Variants in CNR2 observed in about 807,000 individuals in gnomAD.
CNR2 encodes the protein cannabinoid receptor 2 (macrophage).
For synonymous variants in CNR2, 172 were observed against 182.2 expected, an observed-to-expected ratio of 0.94 and a Z score of 0.45; for missense variants, 379 against 439.9, an observed-to-expected ratio of 0.86 and a Z score of 1.24.
rs142971648 is a variant in CNR2 at position 23,880,185 on chromosome 1, C to CTTTTTTTTTTT, written c.-45-4524_-45-4523insAAAAAAAAAAA. 5.3e-3 allele frequency among the ~76,000 whole-genome samples: 678 copies of CTTTTTTTTTTT among 128,636 alleles called. 10 individuals are homozygous for CTTTTTTTTTTT. The highest frequency in any genetic ancestry group is 0.014 in the Middle Eastern group (3 of 218). The allele number at this position is 128,636 out of a possible 152,430, so 84.4% of individuals were successfully genotyped here. ...CCCTAACTCATCCCAACTTCCAACTCTTTTTTTTTTGAGACGGAGTCTCAC... is the reference window on the plus strand; with the variant it reads ...CCCTAACTCATCCCAACTTCCAACTCTTTTTTTTTTTTTTTTTTTTTGAGACGGAGTCTCAC... On this transcript the variant is annotated intron_variant, in intron 1 of 1. Transcript: ENST00000374472.
chr1:23,906,341 T>G (rs556439572), intron 1 of CNR2, among the ~76,000 whole-genome samples: 96 of 152,128 alleles, frequency 6.3e-4, no homozygotes, highest in Middle Eastern at 3.4e-3. Flanking sequence ...TCAGGACTGT[T>G]GTGAGGATTA....
At position 23,879,827 on chromosome 1, in the gene CNR2, T is replaced by C. The variant is rs182701250; in HGVS notation, c.-45-4165A>G. Among the ~76,000 whole-genome samples, 241 of 152,218 alleles carry C rather than the reference T, an allele frequency of 1.6e-3. 1 individual carries two copies. Among genetic ancestry groups the C allele is most frequent in the African/African-American group, 5.6e-3 (232 of 41,542 alleles). ...CTTTTAATCAGGCCCATTTCTAATC[T>C]AGTTTCAACATAGCAGTCAGGGTGA... On this transcript the variant is annotated intron_variant, in intron 1 of 1. Transcript: ENST00000374472.
intron 1 of CNR2, among the ~76,000 whole-genome samples, chr1:23,903,133 CA>C (rs1640432047): frequency 1.3e-5 from 2 of 152,072 alleles, no homozygotes; most frequent in African/African-American, 2.4e-5. Context: ...GTGCCCCTAC[CA>C]CCCCCGCCCC....
At chr1:23,890,428 G>C (rs1640169181) in intron 1 of CNR2, among the ~76,000 whole-genome samples, 1 of 151,956 alleles carries the variant, frequency 6.6e-6, no homozygotes, top group South Asian at 2.1e-4. Flanking sequence ...TGGAAAACTT[G>C]TTCAACCTGC....
At chr1:23,900,543 G>A (rs896483162) in intron 1 of CNR2, among the ~76,000 whole-genome samples, 41 of 113,092 alleles carry the variant, frequency 3.6e-4, no homozygotes, top group African/African-American at 1.3e-3. Context: ...TTTCACTCTT[G>A]TTGCCCAGGC....
At chr1:23,905,329 C>T (rs999232398) in intron 1 of CNR2, among the ~76,000 whole-genome samples, 5 of 151,204 alleles carry the variant, frequency 3.3e-5, no homozygotes, top group Admixed American at 1.3e-4. Flanking sequence ...TACAGGTACC[C>T]GACACCACGC....
At position 23,880,246 on chromosome 1, in the gene CNR2, C is replaced by T. The variant is rs901851967; in HGVS notation, c.-45-4584G>A. On this transcript the variant is annotated intron_variant, in intron 1 of 1. Coordinates refer to ENST00000374472, the MANE Select transcript of CNR2 (RefSeq NM_001841.3). ...AGGCTGGAGTGCAGTGGCACAATCT[C>T]GGCTCACTGCAACCTCCGCCTCCCA... 2.5e-4 allele frequency among the ~76,000 whole-genome samples: 35 copies of T among 139,012 alleles called. 1 individual carries two copies. The highest frequency in any genetic ancestry group is 8.7e-4 in the East Asian group (4 of 4,574). The allele number at this position is 139,012 out of a possible 152,430, so 91.2% of individuals were successfully genotyped here. A position where few individuals can be genotyped will look rare whatever the true frequency, so the allele number is the denominator to read the frequency against.
chr1:23,898,335 C>CCCA (rs1230917304), intron 1 of CNR2, among the ~76,000 whole-genome samples: 1 of 108,226 alleles, frequency 9.2e-6, no homozygotes, highest in Non-Finnish European at 1.8e-5. Flanking sequence ...CCGCGCCCGG[C>CCCA]TTTTTTTTTT....
intron 1 of CNR2, chr1:23,902,273 G>C (rs1640413529): frequency 7.0e-6 from 10 of 1,436,262 alleles, no homozygotes; most frequent in Non-Finnish European, 8.6e-6. Flanking sequence ...AGAAGCCTTG[G>C]GACCGCAGGG....
intron 1 of CNR2, among the ~76,000 whole-genome samples, chr1:23,897,067 G>A (rs924258444): frequency 2.6e-5 from 4 of 151,910 alleles, no homozygotes; most frequent in Admixed American, 6.6e-5. Flanking sequence ...TAGAGATGGG[G>A]TTTCACTATT....
Position 23,875,527 on chromosome 1 carries a change from G to T in CNR2, c.91C>A (p.Pro31Thr). Residue 31 changes from proline (P) to threonine (T), a missense_variant, in exon 2 of 2, where the codon CCC (proline) becomes ACC (threonine). Transcript: ENST00000374472. Reference sequence around the variant, plus strand: ...AACACAGCAACAGCTGTCTTCTGGGGACCACTCAGGATCATGTAATCCTTC... The same window carrying T: ...AACACAGCAACAGCTGTCTTCTGGGTACCACTCAGGATCATGTAATCCTTC... Reference protein sequence around the residue: ...PMKDYMILSGPQKTAVAVLCT... With the variant: ...PMKDYMILSGTQKTAVAVLCT... The T allele has an allele frequency of 6.2e-7, 1 of 1,614,052 alleles. No homozygotes were observed. The highest frequency in any genetic ancestry group is 8.5e-7 in the Non-Finnish European group (1 of 1,180,014).
Position 23,874,981 on chromosome 1 carries a change from G to T in CNR2, c.637C>A (p.Leu213Ile), listed in dbSNP as rs1244259465. Residue 213 changes from leucine (L) to isoleucine (I), a missense_variant, in exon 2 of 2, where the codon CTC becomes ATC. By Grantham distance (5) the Leu-to-Ile change is conservative. Transcript: ENST00000374472. ...SGIIYTYGHVLWKAHQHVASL... is the reference protein window; with the variant it reads ...SGIIYTYGHVIWKAHQHVASL... ...GCCACATGCTGATGGGCCTTCCAGA[G>T]AACATGCCCATAGGTGTAGATGATT... 2 of 1,610,032 alleles carry T rather than the reference G, an allele frequency of 1.2e-6. No homozygotes were observed. The highest frequency in any genetic ancestry group is 1.7e-6 in the Non-Finnish European group (2 of 1,177,902).
Position 23,870,950 on chromosome 1 carries a change from C to A in CNR2, c.*3585G>T, listed in dbSNP as rs1031238183. ...GGTGGATCACTTGAAGTCAGGAGTT[C>A]AAGACCAGCCTGGCCAATATGGTGA... On this transcript the variant is annotated 3_prime_UTR_variant, in exon 2 of 2. Transcript: ENST00000374472. The A allele has an allele frequency of 4.6e-5, 7 of 152,028 alleles. No homozygotes were observed. Among genetic ancestry groups the A allele is most frequent in the African/African-American group, 1.7e-4 (7 of 41,352 alleles). The allele number at this position is 152,028 out of a possible 1,614,324, so 9.4% of individuals were successfully genotyped here.
chr1:23,889,228 G>A (rs1426589237), intron 1 of CNR2, among the ~76,000 whole-genome samples: 3 of 152,102 alleles, frequency 2.0e-5, no homozygotes, highest in Non-Finnish European at 4.4e-5. Flanking sequence ...AAGTGAAAGC[G>A]TGAAGTGAAA....
chr1:23,882,651 C>CA (rs34245051), intron 1 of CNR2, among the ~76,000 whole-genome samples: 31,983 of 112,660 alleles, frequency 0.28, 5,559 homozygotes, highest in East Asian at 0.75. Context: ...ACTAAAAATA[C>CA]AAAAAAAAAA....
chr1:23,902,585 G>T (rs1371869126), intron 1 of CNR2: 2 of 1,606,504 alleles, frequency 1.2e-6, no homozygotes. Flanking sequence ...CCAGGTCCCA[G>T]TAGAACATGG....
At chr1:23,899,711 G>T (rs1039857969) in intron 1 of CNR2, among the ~76,000 whole-genome samples, 1 of 147,608 alleles carries the variant, frequency 6.8e-6, no homozygotes, top group Non-Finnish European at 1.5e-5. Flanking sequence ...CTACTCGAGA[G>T]GGGGAGGCAG....
chr1:23,902,491 T>A lies in CNR2; in HGVS notation c.-46+10755A>T, dbSNP rs990179575. 4 of 1,606,048 alleles carry A rather than the reference T, an allele frequency of 2.5e-6. No individual in the cohort carries two copies. In the African/African-American group the frequency reaches 5.3e-5, roughly 21 times the overall value. On this transcript the variant is annotated intron_variant, in intron 1 of 1. Coordinates refer to ENST00000374472, the MANE Select transcript of CNR2 (RefSeq NM_001841.3). ...AGCACCGTATCCGCTTCCAGATCGA[T>A]CTCATCACTGTACACGTACTTTAAT...
At chr1:23,877,007 G>A (rs1007131438) in intron 1 of CNR2, among the ~76,000 whole-genome samples, 4 of 152,126 alleles carry the variant, frequency 2.6e-5, no homozygotes, top group African/African-American at 9.7e-5. Context: ...TAAACAGGTT[G>A]TATAGGAATA....
Sources: gnomAD v4.1 joint callset for allele counts (sites outside exome capture counted in the v4.1 genomes callset) on GRCh38, gnomAD v4.1.1 for gene constraint, MANE v1.5 for transcripts, NCBI Gene and HGNC (gene_info 2026-07-23, HGNC 2026-07-21) for gene names.